ARNT2: variants seen among roughly 807,000 people sequenced by gnomAD.
ARNT2 encodes the protein aryl hydrocarbon receptor nuclear translocator 2.
A neutral mutation model predicts 91.7 loss-of-function variants in ARNT2; 36 were observed. The observed-to-expected ratio is 0.39, with a 90% confidence interval of 0.30 to 0.52. The LOEUF (loss-of-function observed/expected upper bound fraction) is 0.52. ARNT2 is among the 20% of genes least tolerant of loss of function. ARNT2 has a pLI of 0.72. For missense variants in ARNT2, 775 were observed against 939.3 expected (o/e 0.83, Z 2.29); for synonymous variants, 365 against 347.1 (o/e 1.05, Z -0.57).
intron 17 of ARNT2, among the ~76,000 whole-genome samples, chr15:80,587,987 A>G (rs969639615): frequency 5.3e-5 from 8 of 152,186 alleles, no homozygotes; most frequent in African/African-American, 1.9e-4. Flanking sequence ...ACCACTAAGC[A>G]GTCTGTAAGC....
chr15:80,410,278 A>G (rs1289893128), intron 1 of ARNT2, among the ~76,000 whole-genome samples: 1 of 152,184 alleles, frequency 6.6e-6, no homozygotes, highest in East Asian at 1.9e-4. Context: ...CTTGGGCACG[A>G]CATGTCCTGC....
intron 12 of ARNT2, among the ~76,000 whole-genome samples, chr15:80,572,280 G>A (rs190788995): frequency 1.0e-3 from 154 of 152,184 alleles, no homozygotes; most frequent in African/African-American, 3.4e-3. Flanking sequence ...ACCTTCTCCT[G>A]GATGGGGGCC....
At chr15:80,477,614 G>T (rs566981142) in intron 5 of ARNT2, among the ~76,000 whole-genome samples, 1 of 152,252 alleles carries the variant, frequency 6.6e-6, no homozygotes, top group South Asian at 2.1e-4. Flanking sequence ...CCTAAGTGTA[G>T]GTCTCTCCTC....
intron 18 of ARNT2, among the ~76,000 whole-genome samples, chr15:80,593,010 A>G (rs527320270): frequency 6.6e-6 from 1 of 152,350 alleles, no homozygotes; most frequent in East Asian, 1.9e-4. Flanking sequence ...AGAGTATCAC[A>G]TGGGCTGAGA....
At chr15:80,567,495 A>G (rs1054157569) in intron 12 of ARNT2, among the ~76,000 whole-genome samples, 1 of 152,164 alleles carries the variant, frequency 6.6e-6, no homozygotes. Context: ...GTAGAATGCA[A>G]TGGGGGCAGA....
At chr15:80,583,548 T>C (rs1898838343) in intron 17 of ARNT2, among the ~76,000 whole-genome samples, 1 of 152,196 alleles carries the variant, frequency 6.6e-6, no homozygotes, top group Non-Finnish European at 1.5e-5. Flanking sequence ...ACTCAGATGA[T>C]AATAATAGTA....
chr15:80,418,767 G>T (rs374808113), intron 1 of ARNT2, among the ~76,000 whole-genome samples: 3 of 152,188 alleles, frequency 2.0e-5, no homozygotes, highest in African/African-American at 7.2e-5. Context: ...ACCTGGCCCT[G>T]CTGGGCCTCA....
chr15:80,569,528 A>G (rs984042534), intron 12 of ARNT2, among the ~76,000 whole-genome samples: 2 of 152,158 alleles, frequency 1.3e-5, no homozygotes, highest in African/African-American at 2.4e-5. Context: ...TTTCTCTTCC[A>G]CACATGCTCA....
intron 11 of ARNT2, among the ~76,000 whole-genome samples, chr15:80,557,983 C>G (rs55935962): frequency 0.085 from 12,882 of 152,244 alleles, 586 homozygotes; most frequent in Middle Eastern, 0.13. Context: ...TACCTGGCCC[C>G]GTCTCATCCT....
At chr15:80,554,190 CT>C (rs1374279740) in intron 10 of ARNT2, among the ~76,000 whole-genome samples, 32 of 152,318 alleles carry the variant, frequency 2.1e-4, no homozygotes, top group African/African-American at 7.0e-4. Flanking sequence ...AGGTGGATCA[CT>C]TGAGGTCAGG....
intron 1 of ARNT2, among the ~76,000 whole-genome samples, chr15:80,448,545 C>T (rs1435688207): frequency 6.6e-6 from 1 of 152,180 alleles, no homozygotes; most frequent in East Asian, 1.9e-4. Context: ...AAACTATCGG[C>T]ATTTTTGTTT....
intron 1 of ARNT2, chr15:80,441,084 T>C: frequency 2.9e-6 from 1 of 349,496 alleles, no homozygotes; most frequent in Non-Finnish European, 4.0e-6. Flanking sequence ...TTTTCAAATA[T>C]GCATTTGTTA....
intron 1 of ARNT2, among the ~76,000 whole-genome samples, chr15:80,430,471 C>A (rs1046964016): frequency 1.3e-5 from 2 of 152,226 alleles, no homozygotes; most frequent in African/African-American, 2.4e-5. Context: ...CCTGGAAGCT[C>A]CTTGGATGTG....
chr15:80,439,351 A>T (rs1896150659), intron 1 of ARNT2, among the ~76,000 whole-genome samples: 1 of 152,240 alleles, frequency 6.6e-6, no homozygotes, highest in African/African-American at 2.4e-5. Flanking sequence ...CAGGGATGCC[A>T]GAAATGATCT....
intron 17 of ARNT2, among the ~76,000 whole-genome samples, chr15:80,590,135 G>A (rs772474851): frequency 4.6e-5 from 7 of 152,164 alleles, no homozygotes; most frequent in Admixed American, 1.3e-4. Flanking sequence ...CATTAACGCA[G>A]TGCCCAGGCT....
chr15:80,593,964 C>A lies in ARNT2; in HGVS notation c.*266C>A, dbSNP rs1441937716. On this transcript the variant is annotated 3_prime_UTR_variant, in exon 19 of 19. Coordinates refer to ENST00000303329, the MANE Select transcript of ARNT2 (RefSeq NM_014862.4). ...TATCTGTGTGTGCTCAGGAGGTGAG[C>A]CTAGTGGGTCCTTAAGTTTGGTTGT... 1 of 432,250 alleles carries A rather than the reference C, an allele frequency of 2.3e-6. No homozygotes were observed. The highest frequency in any genetic ancestry group is 3.9e-5 in the Admixed American group (1 of 25,622). The allele number at this position is 432,250 out of a possible 1,614,324, so 26.8% of individuals were successfully genotyped here.
intron 11 of ARNT2, among the ~76,000 whole-genome samples, chr15:80,558,907 T>C (rs1898258647): frequency 6.6e-6 from 1 of 152,200 alleles, no homozygotes; most frequent in Non-Finnish European, 1.5e-5. Flanking sequence ...TTAATGGAAA[T>C]GGAGCTTTAA....
chr15:80,484,422 G>A (rs1896935298), intron 5 of ARNT2, among the ~76,000 whole-genome samples: 1 of 152,178 alleles, frequency 6.6e-6, no homozygotes, highest in East Asian at 1.9e-4. Flanking sequence ...ATTGCTGGCT[G>A]GTTGTTTTTT....
intron 5 of ARNT2, among the ~76,000 whole-genome samples, chr15:80,479,292 T>C (rs969730262): frequency 2.0e-5 from 3 of 152,198 alleles, no homozygotes; most frequent in African/African-American, 4.8e-5. Context: ...CTTTGTTGAA[T>C]TAAATTTTTT....
Sources: gnomAD v4.1 joint callset for allele counts (sites outside exome capture counted in the v4.1 genomes callset) on GRCh38, gnomAD v4.1.1 for gene constraint, MANE v1.5 for transcripts, NCBI Gene and HGNC (gene_info 2026-07-23, HGNC 2026-07-21) for gene names.